Variants in NUS1 observed in about 807,000 individuals in gnomAD.
NUS1 encodes the protein dehydrodolichyl diphosphate synthase complex subunit NUS1.
For missense variants in NUS1, 292 were observed against 382.9 expected, an observed-to-expected ratio of 0.76 and a Z score of 1.98; for synonymous variants, 135 against 155.2, an observed-to-expected ratio of 0.87 and a Z score of 0.97.
At chr6:117,692,804 T>C (rs1016125582) in intron 1 of NUS1, among the ~76,000 whole-genome samples, 2 of 152,148 alleles carry the variant, frequency 1.3e-5, no homozygotes, top group Admixed American at 6.5e-5. Flanking sequence ...TTCTGTCATA[T>C]TCACATGCCA....
At chr6:117,704,015 G>A (rs1773465988) in intron 4 of NUS1, among the ~76,000 whole-genome samples, 1 of 152,124 alleles carries the variant, frequency 6.6e-6, no homozygotes, top group Non-Finnish European at 1.5e-5. Flanking sequence ...GAGAAAAGGC[G>A]AGAAGGGGGG....
intron 1 of NUS1, among the ~76,000 whole-genome samples, chr6:117,690,766 C>T (rs943283969): frequency 9.2e-5 from 14 of 151,832 alleles, no homozygotes; most frequent in Non-Finnish European, 1.5e-4. Flanking sequence ...CCGAGGTGGG[C>T]GGATCACGAG....
At chr6:117,682,184 G>A (rs898326107) in intron 1 of NUS1, among the ~76,000 whole-genome samples, 4 of 152,124 alleles carry the variant, frequency 2.6e-5, no homozygotes, top group African/African-American at 7.2e-5. Flanking sequence ...AGCCTCTCTC[G>A]ACTGTTCCAT....
chr6:117,693,913 T>C, intron 2 of NUS1, 118 bp from the exon 3 acceptor site: 1 of 1,094,372 alleles, frequency 9.1e-7, no homozygotes, highest in South Asian at 1.9e-5. Flanking sequence ...TAAAAAATTC[T>C]TGTTTACTGT....
intron 1 of NUS1, among the ~76,000 whole-genome samples, chr6:117,691,140 T>C (rs778193002): frequency 4.3e-4 from 65 of 152,238 alleles, no homozygotes; most frequent in Non-Finnish European, 7.4e-4. Flanking sequence ...AAATTATGTA[T>C]GGACTAATAC....
intron 3 of NUS1, among the ~76,000 whole-genome samples, chr6:117,703,370 A>G (rs1166625039): frequency 1.3e-5 from 2 of 152,222 alleles, no homozygotes; most frequent in African/African-American, 4.8e-5. Context: ...TAATCAATCA[A>G]GTTAAACAGA....
intron 3 of NUS1, among the ~76,000 whole-genome samples, chr6:117,699,523 A>G (rs752597711): frequency 6.6e-6 from 1 of 152,190 alleles, no homozygotes; most frequent in African/African-American, 2.4e-5. Context: ...TTTCCTGTTC[A>G]TGGATTGGAA....
At position 117,703,855 on chromosome 6, in the gene NUS1, C is replaced by T. The variant is rs1205202611; in HGVS notation, c.791+151C>T. 4.6e-6 allele frequency: 3 copies of T among 651,250 alleles called. No individual in the cohort carries two copies. In the African/African-American group the frequency reaches 5.4e-5, roughly 12 times the overall value. The allele number at this position is 651,250 out of a possible 1,614,324, so 40.3% of individuals were successfully genotyped here. Reference sequence around the variant, plus strand: ...CACAGTACCACTGGTAAAATAAAGTCATACATAAATGAGTTAGACACAAGA... The same window carrying T: ...CACAGTACCACTGGTAAAATAAAGTTATACATAAATGAGTTAGACACAAGA... On this transcript the variant is annotated intron_variant, in intron 4 of 4. Transcript: ENST00000368494.
In NUS1 at chr6:117,693,044, A is replaced by G; in HGVS notation, c.418A>G (p.Ile140Val). 6.2e-7 allele frequency: 1 copy of G among 1,602,462 alleles called. No homozygotes were observed. Among genetic ancestry groups the G allele is most frequent in the South Asian group, 1.1e-5 (1 of 90,694 alleles). The change falls in exon 2 of 5, where the codon ATT becomes GTT. Residue 140 changes from isoleucine to valine, a missense_variant and splice_region_variant. Physicochemically the swap from Ile to Val is conservative, Grantham distance 29. Coordinates refer to ENST00000368494, the MANE Select transcript of NUS1 (RefSeq NM_138459.5). ...ACTTGCCTTTTTCTTTTTTAAAGGT[A>G]TTTTCAAAAGAAATAATTCCAGATT... Reference protein sequence around the residue: ...SYISVYDHQGIFKRNNSRLMD... With the variant: ...SYISVYDHQGVFKRNNSRLMD...
Position 117,675,487 on chromosome 6 carries a change from C to G in NUS1, c.-184C>G. 1 of 615,454 alleles carries G rather than the reference C, an allele frequency of 1.6e-6. No homozygotes were observed. The highest frequency in any genetic ancestry group is 2.8e-5 in the East Asian group (1 of 35,530). 38.1% of individuals were successfully genotyped at this position (615,454 alleles called of 1,614,324 possible). A position where few individuals can be genotyped will look rare whatever the true frequency, so the allele number is the denominator to read the frequency against. On this transcript the variant is annotated 5_prime_UTR_variant, in exon 1 of 5. Coordinates refer to ENST00000368494, the MANE Select transcript of NUS1 (RefSeq NM_138459.5). ...TGTCCATGTACTACTGGGGGCGGGGCTGCCAAGGGAGGAGGAAGATGGCGG... is the reference window on the plus strand; with the variant it reads ...TGTCCATGTACTACTGGGGGCGGGGGTGCCAAGGGAGGAGGAAGATGGCGG...
At chr6:117,682,147 G>A (rs557767084) in intron 1 of NUS1, among the ~76,000 whole-genome samples, 405 of 151,948 alleles carry the variant, frequency 2.7e-3, no homozygotes, top group Non-Finnish European at 4.9e-3. Flanking sequence ...ATTCTTGTAA[G>A]TTCATCCTAA....
At chr6:117,684,006 C>T (rs998242689) in intron 1 of NUS1, among the ~76,000 whole-genome samples, 3 of 152,196 alleles carry the variant, frequency 2.0e-5, no homozygotes, top group African/African-American at 7.2e-5. Flanking sequence ...TTAACTTCTA[C>T]TCTACTCTGT....
chr6:117,702,354 G>C (rs1474184890), intron 3 of NUS1, among the ~76,000 whole-genome samples: 2 of 152,152 alleles, frequency 1.3e-5, no homozygotes, highest in African/African-American at 4.8e-5. Context: ...AATTTTTGCT[G>C]TCAGAGCTAT....
rs1052263 is a variant in NUS1, at chr6:117,707,247, A to T, written c.*232A>T. 4 of 435,502 alleles carry T rather than the reference A, an allele frequency of 9.2e-6. No homozygotes were observed. Among genetic ancestry groups the T allele is most frequent in the Non-Finnish European group, 4.3e-6 (1 of 232,932 alleles). 27.0% of individuals were successfully genotyped at this position (435,502 alleles called of 1,614,324 possible). A position where few individuals can be genotyped will look rare whatever the true frequency, so the allele number is the denominator to read the frequency against. Reference sequence around the variant, plus strand: ...GAAATAAACTTATAAATGGGGACGTATTGGAGAAGGAAATACATAGACCTA... The same window carrying T: ...GAAATAAACTTATAAATGGGGACGTTTTGGAGAAGGAAATACATAGACCTA... On this transcript the variant is annotated 3_prime_UTR_variant, in exon 5 of 5. Coordinates refer to ENST00000368494, the MANE Select transcript of NUS1 (RefSeq NM_138459.5).
At chr6:117,690,668 CA>C (rs1054254213) in intron 1 of NUS1, among the ~76,000 whole-genome samples, 2 of 152,128 alleles carry the variant, frequency 1.3e-5, no homozygotes, top group Non-Finnish European at 2.9e-5. Context: ...TTCCTTCAAA[CA>C]AGTTCTCTTT....
intron 4 of NUS1, among the ~76,000 whole-genome samples, chr6:117,704,667 T>A (rs1773476293): frequency 6.6e-6 from 1 of 152,116 alleles, no homozygotes; most frequent in African/African-American, 2.4e-5. Context: ...TACTACAAAT[T>A]CTCTCTCTCA....
intron 1 of NUS1, among the ~76,000 whole-genome samples, chr6:117,688,592 T>TTA (rs1773173377): frequency 1.3e-5 from 2 of 152,192 alleles, no homozygotes; most frequent in Non-Finnish European, 2.9e-5. Context: ...AGTTATACAC[T>TTA]TAAAGTCCTG....
intron 1 of NUS1, among the ~76,000 whole-genome samples, chr6:117,691,866 A>AT (rs1398465831): frequency 1.4e-4 from 22 of 151,860 alleles, no homozygotes; most frequent in African/African-American, 5.1e-4. Context: ...TCATTTATTC[A>AT]TCACGTTGCT....
At chr6:117,686,853 T>A (rs1371440856) in intron 1 of NUS1, among the ~76,000 whole-genome samples, 4 of 2,568 alleles carry the variant, frequency 1.6e-3, no homozygotes, top group African/African-American at 6.2e-3. Context: ...GAAGTGTGTA[T>A]GTGTGTGTGT....
Sources: allele counts gnomAD v4.1 joint callset (sites outside exome capture counted in the v4.1 genomes callset), GRCh38; gene constraint gnomAD v4.1.1; transcripts MANE v1.5; gene names NCBI Gene and HGNC (gene_info 2026-07-23, HGNC 2026-07-21).